Variants in UMAD1 observed in about 807,000 individuals in gnomAD.
UMAD1 encodes UBAP1-MVB12-associated (UMA) domain containing 1.
In UMAD1, 8 loss-of-function variants were observed where a neutral mutation model predicts 6.1. The ratio of observed to expected loss-of-function variants is 1.30; its 90% CI spans 0.76 to 2.35. UMAD1 has a LOEUF of 2.35. Ranked by LOEUF, UMAD1 falls within the 30% of genes most tolerant of loss-of-function variation. The probability of loss-of-function intolerance (pLI) is 0.00; values close to 1 mark genes in which losing one functional copy is unlikely to be tolerated. For missense variants in UMAD1, 130 were observed against 78.4 expected (o/e 1.66, Z -2.49); for synonymous variants, 56 against 31.4 (o/e 1.78, Z -2.61).
At chr7:7,786,514 T>A (rs1474660850) in intron 2 of UMAD1, among the ~76,000 whole-genome samples, 2 of 152,170 alleles carry the variant, frequency 1.3e-5, no homozygotes, top group African/African-American at 4.8e-5. Flanking sequence ...GGTAGATGCG[T>A]AGTGTACAGA....
intron 2 of UMAD1, among the ~76,000 whole-genome samples, chr7:7,763,430 G>A: frequency 6.6e-6 from 1 of 152,100 alleles, no homozygotes. Context: ...TCCACCCCCA[G>A]TAGACCACAG....
At chr7:7,842,708 CAA>C (rs1353208178) in intron 3 of UMAD1, among the ~76,000 whole-genome samples, 2 of 151,864 alleles carry the variant, frequency 1.3e-5, no homozygotes, top group African/African-American at 4.8e-5. Flanking sequence ...ATCCCTTACT[CAA>C]TATGTATTCT....
chr7:7,812,896 A>T (rs1165313047), intron 3 of UMAD1, among the ~76,000 whole-genome samples: 1 of 150,976 alleles, frequency 6.6e-6, no homozygotes, highest in African/African-American at 2.4e-5. Context: ...ACTTCTTGAG[A>T]CTATATAGAG....
intron 2 of UMAD1, among the ~76,000 whole-genome samples, chr7:7,791,716 A>G (rs1429337991): frequency 6.6e-6 from 1 of 152,338 alleles, no homozygotes; most frequent in East Asian, 1.9e-4. Context: ...GACCGGTAGG[A>G]CTGACCGGTG....
intron 3 of UMAD1, among the ~76,000 whole-genome samples, chr7:7,829,421 A>G (rs952135535): frequency 1.3e-5 from 2 of 152,164 alleles, no homozygotes; most frequent in Non-Finnish European, 2.9e-5. Context: ...GTTTTGTGTT[A>G]TCCCTGGCAA....
At chr7:7,743,644 CATT>C (rs1348221589) in intron 2 of UMAD1, among the ~76,000 whole-genome samples, 2 of 151,502 alleles carry the variant, frequency 1.3e-5, no homozygotes, top group African/African-American at 2.4e-5. Context: ...AGAATCTATT[CATT>C]ATTAAAGCAG....
chr7:7,643,068 A>G (rs573232706), intron 1 of UMAD1, among the ~76,000 whole-genome samples: 26 of 152,150 alleles, frequency 1.7e-4, no homozygotes, highest in African/African-American at 6.0e-4. Context: ...CTCTCCCCCA[A>G]CCCACTAGAA....
intron 2 of UMAD1, among the ~76,000 whole-genome samples, chr7:7,674,534 G>T (rs1779690057): frequency 6.6e-6 from 1 of 152,184 alleles, no homozygotes; most frequent in Non-Finnish European, 1.5e-5. Flanking sequence ...CTGGGAGGTT[G>T]CTCAGAATTG....
At chr7:7,759,865 C>G (rs1014017274) in intron 2 of UMAD1, among the ~76,000 whole-genome samples, 6 of 152,180 alleles carry the variant, frequency 3.9e-5, no homozygotes, top group Admixed American at 6.5e-5. Context: ...GGGAGACAGT[C>G]TGCCATATTA....
At chr7:7,858,303 TA>T (rs1176458659) in intron 3 of UMAD1, among the ~76,000 whole-genome samples, 2 of 152,246 alleles carry the variant, frequency 1.3e-5, no homozygotes. Flanking sequence ...GCTCGTATTT[TA>T]AACCACCTTA....
chr7:7,860,604 CAAAA>C (rs373823869), intron 3 of UMAD1, among the ~76,000 whole-genome samples: 170 of 93,846 alleles, frequency 1.8e-3, no homozygotes, highest in South Asian at 3.1e-3. Flanking sequence ...ACTAAAAATA[CAAAA>C]AAAAAAAAAA....
intron 2 of UMAD1, among the ~76,000 whole-genome samples, chr7:7,777,574 AAT>A (rs58039932): frequency 0.027 from 3,092 of 113,434 alleles, 125 homozygotes; most frequent in East Asian, 0.13. Context: ...TACATGAGCA[AAT>A]ATATATATAT....
intron 3 of UMAD1, among the ~76,000 whole-genome samples, chr7:7,864,796 G>A (rs1362795159): frequency 6.6e-6 from 1 of 151,996 alleles, no homozygotes; most frequent in East Asian, 1.9e-4. Context: ...TTTGCCAGAG[G>A]AACCAACCAT....
chr7:7,857,145 A>T (rs144382884), intron 3 of UMAD1, among the ~76,000 whole-genome samples: 1 of 152,224 alleles, frequency 6.6e-6, no homozygotes, highest in Non-Finnish European at 1.5e-5. Flanking sequence ...TAAAAAATCA[A>T]CTGTACTCTT....
chr7:7,755,372 C>T (rs1000864959), intron 2 of UMAD1, among the ~76,000 whole-genome samples: 3 of 152,160 alleles, frequency 2.0e-5, no homozygotes, highest in African/African-American at 4.8e-5. Flanking sequence ...CAGACTTTCT[C>T]TAATCAAGAG....
At chr7:7,722,768 T>C (rs761566006) in intron 2 of UMAD1, among the ~76,000 whole-genome samples, 7 of 152,172 alleles carry the variant, frequency 4.6e-5, no homozygotes, top group African/African-American at 7.2e-5. Context: ...GGAAGGTGCA[T>C]GCACAGCCTC....
At chr7:7,856,586 T>C (rs1784023043) in intron 3 of UMAD1, among the ~76,000 whole-genome samples, 1 of 152,194 alleles carries the variant, frequency 6.6e-6, no homozygotes, top group Non-Finnish European at 1.5e-5. Context: ...AACCGTATCA[T>C]TGGGTGTGTT....
chr7:7,867,954 G>A (rs1187496658), intron 3 of UMAD1, among the ~76,000 whole-genome samples: 2 of 152,092 alleles, frequency 1.3e-5, no homozygotes, highest in Non-Finnish European at 2.9e-5. Context: ...TTGTTGGGGG[G>A]TAGAGCAGAT....
At chr7:7,835,522 G>T (rs1322324053) in intron 3 of UMAD1, among the ~76,000 whole-genome samples, 8 of 119,056 alleles carry the variant, frequency 6.7e-5, no homozygotes, top group African/African-American at 2.5e-4. Context: ...ATATATAGAA[G>T]TGAGCAGGAC....
Sources: gnomAD v4.1 joint callset for allele counts (sites outside exome capture counted in the v4.1 genomes callset) on GRCh38, gnomAD v4.1.1 for gene constraint, MANE v1.5 for transcripts, NCBI Gene and HGNC (gene_info 2026-07-23, HGNC 2026-07-21) for gene names.